MALT1: variants seen among roughly 807,000 people sequenced by gnomAD.
MALT1 encodes mucosa-associated lymphoid tissue lymphoma translocation protein 1.
In MALT1, 36 loss-of-function variants were observed where a neutral mutation model predicts 85.5. The observed-to-expected ratio is 0.42, with a 90% confidence interval of 0.32 to 0.56. The LOEUF (loss-of-function observed/expected upper bound fraction) is 0.56. MALT1 is among the 20% of genes least tolerant of loss of function. MALT1 has a pLI of 0.10. For missense variants in MALT1, 716 were observed against 981.6 expected (o/e 0.73, Z 3.62); for synonymous variants, 359 against 361.3 (o/e 0.99, Z 0.07).
chr18:58,696,659 A>T (rs2054594640), intron 3 of MALT1, among the ~76,000 whole-genome samples, 172 bp downstream of exon 3: 1 of 152,200 alleles, frequency 6.6e-6, no homozygotes, highest in South Asian at 2.1e-4. Flanking sequence ...ACAGTTCCAG[A>T]ATTGTCTCAT....
chr18:58,674,939 C>T (rs2054219042), intron 1 of MALT1, among the ~76,000 whole-genome samples: 1 of 152,158 alleles, frequency 6.6e-6, no homozygotes, highest in African/African-American at 2.4e-5. Flanking sequence ...AAGTAAACCA[C>T]AAGAAAAGAG....
At chr18:58,719,344 A>C (rs917923471) in intron 9 of MALT1, among the ~76,000 whole-genome samples, 14 of 150,266 alleles carry the variant, frequency 9.3e-5, no homozygotes, top group East Asian at 3.9e-4. Context: ...TCTTCCTCTT[A>C]CTCTGTCTCT....
rs1217542491 is a variant in MALT1, at chr18:58,752,954, CCTTA to C, written c.*5115_*5118del. The C allele has an allele frequency of 1.3e-5, 2 of 152,126 alleles. No homozygotes were observed. The highest frequency in any genetic ancestry group is 2.1e-4 in the South Asian group (1 of 4,826). The allele number at this position is 152,126 out of a possible 1,614,324, so 9.4% of individuals were successfully genotyped here. The stretch of plus-strand genomic sequence containing the variant: ...AGTCTGAGACACCTCAGGTTTCAGC[CCTTA>C]CTAATAGCGTGGCTCAAAGAGCGTT... On this transcript the variant is annotated 3_prime_UTR_variant, in exon 17 of 17. Coordinates refer to ENST00000649217, the MANE Select transcript of MALT1 (RefSeq NM_006785.4).
At chr18:58,706,397 C>T (rs950873889) in intron 4 of MALT1, among the ~76,000 whole-genome samples, 9 of 152,162 alleles carry the variant, frequency 5.9e-5, no homozygotes, top group African/African-American at 2.2e-4. Flanking sequence ...CCTAATGATC[C>T]ACCTGCCTCG....
At chr18:58,689,808 G>A (rs1230313590) in intron 2 of MALT1, among the ~76,000 whole-genome samples, 2 of 152,214 alleles carry the variant, frequency 1.3e-5, no homozygotes, top group Non-Finnish European at 2.9e-5. Context: ...GTGGGGTGGC[G>A]GTTGCGGGGG....
chr18:58,724,389 C>A (rs1602324305), intron 10 of MALT1, among the ~76,000 whole-genome samples: 1 of 152,278 alleles, frequency 6.6e-6, no homozygotes, highest in East Asian at 1.9e-4. Flanking sequence ...GAGATTTCAG[C>A]TATTATGCTG....
intron 2 of MALT1, among the ~76,000 whole-genome samples, chr18:58,688,305 CA>C (rs2054436592): frequency 7.2e-6 from 1 of 137,962 alleles, no homozygotes; most frequent in Non-Finnish European, 1.6e-5. Flanking sequence ...ATGTTACACA[CA>C]CACACACACA....
chr18:58,706,844 C>A (rs1034693153), intron 4 of MALT1, among the ~76,000 whole-genome samples: 1 of 152,062 alleles, frequency 6.6e-6, no homozygotes, highest in Non-Finnish European at 1.5e-5. Flanking sequence ...TTTATAATTG[C>A]TCCCTTGAAT....
intron 10 of MALT1, 53 bp from the exon 11 acceptor site, chr18:58,733,344 C>A: frequency 8.4e-7 from 1 of 1,195,076 alleles, no homozygotes; most frequent in Non-Finnish European, 1.2e-6. Flanking sequence ...TCTGTATGTT[C>A]AGAGTGCATT....
At chr18:58,701,959 C>T (rs118142222) in intron 4 of MALT1, among the ~76,000 whole-genome samples, 261 of 152,196 alleles carry the variant, frequency 1.7e-3, no homozygotes, top group East Asian at 8.9e-3. Context: ...AAAGTAGAGA[C>T]GGAAATATTT....
chr18:58,731,353 G>C (rs201392080), intron 10 of MALT1, among the ~76,000 whole-genome samples: 2 of 152,090 alleles, frequency 1.3e-5, no homozygotes, highest in East Asian at 1.9e-4. Context: ...CCATTGTGTG[G>C]GTTGTCTTTT....
At chr18:58,698,850 ATGT>A (rs2054632016) in intron 3 of MALT1, among the ~76,000 whole-genome samples, 1 of 152,188 alleles carries the variant, frequency 6.6e-6, no homozygotes, top group Non-Finnish European at 1.5e-5. Flanking sequence ...GTTTGTGGTA[ATGT>A]TGTTCATGCA....
chr18:58,691,790 A>C (rs993801743), intron 2 of MALT1, among the ~76,000 whole-genome samples: 1 of 151,916 alleles, frequency 6.6e-6, no homozygotes, highest in East Asian at 1.9e-4. Flanking sequence ...GGAGAATGGC[A>C]TGAACCCGGG....
At chr18:58,682,930 C>A (rs184585198) in intron 2 of MALT1, among the ~76,000 whole-genome samples, 1 of 152,280 alleles carries the variant, frequency 6.6e-6, no homozygotes. Flanking sequence ...TATTTCCCAG[C>A]GCCTCTTCCT....
chr18:58,702,384 A>G (rs528711183), intron 4 of MALT1, among the ~76,000 whole-genome samples: 4 of 152,124 alleles, frequency 2.6e-5, no homozygotes, highest in Non-Finnish European at 4.4e-5. Flanking sequence ...ACCCTATCTC[A>G]AAAAATAAGA....
intron 1 of MALT1, among the ~76,000 whole-genome samples, chr18:58,675,886 A>G (rs1038795891): frequency 6.6e-6 from 1 of 152,136 alleles, no homozygotes; most frequent in African/African-American, 2.4e-5. Context: ...CTTAAATATA[A>G]CATGTCCAAA....
chr18:58,685,613 T>C (rs1459800000), intron 2 of MALT1, among the ~76,000 whole-genome samples: 1 of 152,242 alleles, frequency 6.6e-6, no homozygotes, highest in Non-Finnish European at 1.5e-5. Flanking sequence ...TCTGGAATTA[T>C]AATTTTATAT....
Position 58,747,718 on chromosome 18 carries a change from A to T in MALT1, c.2351A>T (p.Asp784Val), listed in dbSNP as rs904452707. ...ADSCHCSRTP[D>V]AFISSFAHHA... ...AGCTGTCATTGCAGCCGGACTCCAG[A>T]TGCATTTATTTCAAGTTTCGCTCAC... The change falls in exon 17 of 17, where the codon GAT becomes GTT. Residue 784 changes from aspartate to valine, a missense_variant. By Grantham distance (152) the Asp-to-Val change is radical. Around this residue, in one of 4 missense-constraint regions of MALT1, gnomAD observed 260 missense variants for 323.7 expected, o/e 0.80. Coordinates refer to ENST00000649217, the MANE Select transcript of MALT1 (RefSeq NM_006785.4). 2.5e-6 allele frequency: 4 copies of T among 1,614,044 alleles called. No individual in the cohort carries two copies. In the African/African-American group the frequency reaches 4.0e-5, roughly 16 times the overall value.
chr18:58,718,909 T>C (rs910012733), intron 9 of MALT1, among the ~76,000 whole-genome samples: 5 of 151,714 alleles, frequency 3.3e-5, no homozygotes, highest in African/African-American at 7.3e-5. Context: ...TGAAAATATA[T>C]GGGATGAGAG....
Sources: allele counts gnomAD v4.1 joint callset (sites outside exome capture counted in the v4.1 genomes callset), GRCh38; gene constraint gnomAD v4.1.1; regional missense constraint gnomAD v4.1.1; transcripts MANE v1.5; gene names NCBI Gene and HGNC (gene_info 2026-07-23, HGNC 2026-07-21).